The following UBL3 variants were observed in gnomAD, a reference collection of about 807,000 sequenced individuals.
UBL3 encodes the protein ubiquitin-like protein 3.
A neutral mutation model predicts 18.4 loss-of-function variants in UBL3; 6 were observed. The observed-to-expected ratio is 0.33, with a 90% CI of 0.18 to 0.64. The LOEUF (loss-of-function observed/expected upper bound fraction) is 0.64. UBL3 is among the 30% of genes least tolerant of loss of function. The pLI is 0.76. For synonymous variants in UBL3, 49 were observed against 46.6 expected, an observed-to-expected ratio of 1.05 and a Z score of -0.21; for missense variants, 109 against 142.9, an observed-to-expected ratio of 0.76 and a Z score of 1.21.
intron 1 of UBL3, chr13:29,777,549 T>C (rs1877033474): frequency 2.1e-6 from 1 of 485,402 alleles, no homozygotes; most frequent in South Asian, 1.7e-5. Flanking sequence ...ACTCCAACAA[T>C]GTTCAGAATT....
Position 29,772,204 on chromosome 13 carries a change from A to G in UBL3, c.137-6T>C, listed in dbSNP as rs1381490623. 2 of 1,609,800 alleles carry G rather than the reference A, an allele frequency of 1.2e-6. No homozygotes were observed. The highest frequency in any genetic ancestry group is 2.2e-5 in the South Asian group (2 of 90,874). On this transcript the variant is annotated splice_polypyrimidine_tract_variant and splice_region_variant and intron_variant, in intron 2 of 4. Transcript: ENST00000380680. ...GACCTGCTCTTCTTCCCAGTCTGAA[A>G]AGAATCCAGTGTACTGGTTAGGTAT...
intron 1 of UBL3, among the ~76,000 whole-genome samples, chr13:29,828,271 T>A (rs1011797836): frequency 1.3e-5 from 2 of 152,196 alleles, no homozygotes; most frequent in Non-Finnish European, 1.5e-5. Flanking sequence ...TTCTGCAGAG[T>A]GTTTTCCAAC....
At chr13:29,835,753 CAAAAAAAA>C (rs34271187) in intron 1 of UBL3, among the ~76,000 whole-genome samples, 3 of 37,040 alleles carry the variant, frequency 8.1e-5, no homozygotes, top group African/African-American at 3.3e-4. Context: ...GACGCTGTCT[CAAAAAAAA>C]AAAAAAAAAA....
At chr13:29,792,044 C>T (rs1449628982) in intron 1 of UBL3, among the ~76,000 whole-genome samples, 1 of 152,070 alleles carries the variant, frequency 6.6e-6, no homozygotes, top group Non-Finnish European at 1.5e-5. Flanking sequence ...TTAAATCCTG[C>T]TTTTAAATCA....
chr13:29,796,025 T>C (rs1266385601), intron 1 of UBL3, among the ~76,000 whole-genome samples: 3 of 151,918 alleles, frequency 2.0e-5, no homozygotes, highest in Non-Finnish European at 4.4e-5. Context: ...TTCTTATAAT[T>C]AGAAAGCCTG....
At chr13:29,831,830 C>CA (rs1028959097) in intron 1 of UBL3, among the ~76,000 whole-genome samples, 1 of 151,816 alleles carries the variant, frequency 6.6e-6, no homozygotes, top group South Asian at 2.1e-4. Flanking sequence ...AACAAAAAAA[C>CA]AAAAAAAGTC....
In UBL3 at chr13:29,850,591, G is replaced by GCGGCT. The variant is rs1879352591; in HGVS notation, c.-1054_-1053insAGCCG. ...CTCAAACCAACATGGCGGCAGCGGCGGCGGCGGCGGCTGCCTGAGTGCGAC... is the reference window on the plus strand; with the variant it reads ...CTCAAACCAACATGGCGGCAGCGGCGCGGCTGCGGCGGCGGCTGCCTGAGTGCGAC... On this transcript the variant is annotated 5_prime_UTR_variant, in exon 1 of 5. Coordinates refer to ENST00000380680, the MANE Select transcript of UBL3 (RefSeq NM_007106.4). 6.5e-6 allele frequency: 1 copy of GCGGCT among 153,824 alleles called. No individual in the cohort carries two copies. Among genetic ancestry groups the GCGGCT allele is most frequent in the Non-Finnish European group, 1.4e-5 (1 of 69,622 alleles). 9.5% of individuals were successfully genotyped at this position (153,824 alleles called of 1,614,324 possible). A position where few individuals can be genotyped will look rare whatever the true frequency, so the allele number is the denominator to read the frequency against.
At chr13:29,814,752 G>T (rs570923455) in intron 1 of UBL3, among the ~76,000 whole-genome samples, 1 of 152,078 alleles carries the variant, frequency 6.6e-6, no homozygotes, top group Non-Finnish European at 1.5e-5. Context: ...GGCCATGTGT[G>T]GTTGCAGTCA....
chr13:29,832,333 CTTT>C (rs34577519), intron 1 of UBL3, among the ~76,000 whole-genome samples: 10 of 140,920 alleles, frequency 7.1e-5, no homozygotes, highest in Admixed American at 7.0e-5. Flanking sequence ...TACCTAATTT[CTTT>C]TTTTTTTTTT....
chr13:29,765,358 T>C lies in UBL3; in HGVS notation c.*1897A>G, dbSNP rs1052830572. On this transcript the variant is annotated 3_prime_UTR_variant, in exon 5 of 5. Transcript: ENST00000380680. ...CACATTTCAGCTAGTCAACAAAGCATATAAATATTTAACATCTCTTGAAGA... is the reference window on the plus strand; with the variant it reads ...CACATTTCAGCTAGTCAACAAAGCACATAAATATTTAACATCTCTTGAAGA... 1 of 152,184 alleles carries C rather than the reference T, an allele frequency of 6.6e-6. No individual in the cohort carries two copies. Among genetic ancestry groups the C allele is most frequent in the Non-Finnish European group, 1.5e-5 (1 of 68,006 alleles). 9.4% of individuals were successfully genotyped at this position (152,184 alleles called of 1,614,324 possible).
chr13:29,788,838 A>T (rs1038380861), intron 1 of UBL3, among the ~76,000 whole-genome samples: 3 of 138,148 alleles, frequency 2.2e-5, no homozygotes, highest in African/African-American at 8.2e-5. Context: ...TTAATGGGGA[A>T]GTGTGTGTGT....
chr13:29,823,371 C>G (rs1368731677), intron 1 of UBL3, among the ~76,000 whole-genome samples: 3 of 152,176 alleles, frequency 2.0e-5, no homozygotes. Flanking sequence ...CAACTCCCGA[C>G]CTCAGGTGAT....
chr13:29,803,512 C>T (rs1877824026), intron 1 of UBL3, among the ~76,000 whole-genome samples: 1 of 151,950 alleles, frequency 6.6e-6, no homozygotes, highest in Admixed American at 6.6e-5. Flanking sequence ...GAAGCAAGAT[C>T]CATTGGTACG....
intron 3 of UBL3, among the ~76,000 whole-genome samples, chr13:29,771,173 A>G (rs1057416595): frequency 6.6e-6 from 1 of 152,068 alleles, no homozygotes; most frequent in African/African-American, 2.4e-5. Context: ...GAATGCAAAT[A>G]TTCTACCTTT....
At chr13:29,848,131 C>T (rs1039977871) in intron 1 of UBL3, among the ~76,000 whole-genome samples, 2 of 152,022 alleles carry the variant, frequency 1.3e-5, no homozygotes, top group African/African-American at 4.8e-5. Flanking sequence ...CCTCTAGAAA[C>T]ATCTGGCGTT....
chr13:29,834,453 A>G (rs1026229016), intron 1 of UBL3, among the ~76,000 whole-genome samples: 1 of 152,078 alleles, frequency 6.6e-6, no homozygotes, highest in Non-Finnish European at 1.5e-5. Flanking sequence ...AGCTGGAAAA[A>G]TCACTCACAA....
At chr13:29,767,993 G>A (rs957915092) in intron 3 of UBL3, among the ~76,000 whole-genome samples, 3 of 151,906 alleles carry the variant, frequency 2.0e-5, no homozygotes, top group Admixed American at 6.6e-5. Context: ...GAGGAGAAAG[G>A]ATTAAATTTT....
chr13:29,782,118 T>C (rs1448317673), intron 1 of UBL3, among the ~76,000 whole-genome samples: 1 of 152,120 alleles, frequency 6.6e-6, no homozygotes, highest in East Asian at 1.9e-4. Context: ...TATTCATGGA[T>C]CCTTTGAAGA....
chr13:29,829,707 A>C (rs1402643068), intron 1 of UBL3, among the ~76,000 whole-genome samples: 2 of 151,684 alleles, frequency 1.3e-5, no homozygotes. Flanking sequence ...TGCACCCACT[A>C]TATGACAAGC....
Sources: gnomAD v4.1 joint callset for allele counts (sites outside exome capture counted in the v4.1 genomes callset) on GRCh38, gnomAD v4.1.1 for gene constraint, MANE v1.5 for transcripts, NCBI Gene and HGNC (gene_info 2026-07-23, HGNC 2026-07-21) for gene names.